Variants in DNAH17 observed in about 807,000 individuals in gnomAD.
The protein encoded by DNAH17 is axonemal beta dynein heavy chain 17.
DNAH17 carries 376 observed loss-of-function variants against 485.6 expected under a neutral mutation model. The ratio of observed to expected loss-of-function variants is 0.77; its 90% CI spans 0.71 to 0.84. The LOEUF (loss-of-function observed/expected upper bound fraction) is 0.84. Ranked by LOEUF, DNAH17 falls within the 40% of genes least tolerant of loss-of-function variation. The probability of loss-of-function intolerance (pLI) is 0.00; values close to 1 mark genes in which losing one functional copy is unlikely to be tolerated. For synonymous variants in DNAH17, 3,031 were observed against 2,405.9 expected (o/e 1.26, Z -7.60); for missense variants, 6,370 against 5,839.3 (o/e 1.09, Z -2.96).
At chr17:78,437,574 G>A (rs888431774) in intron 74 of DNAH17, 67 bp downstream of exon 74, 20 of 1,370,192 alleles carry the variant, frequency 1.5e-5, no homozygotes, top group Non-Finnish European at 2.0e-5. Context: ...GGTCCTCGGG[G>A]CCCCAAGGGA....
At chr17:78,445,816 GGTAAAGTTTTGTCTTCACCTC>G in intron 69 of DNAH17, 136 bp from the exon 70 acceptor site, 1 of 958,970 alleles carries the variant, frequency 1.0e-6, no homozygotes, top group Non-Finnish European at 1.5e-6. Flanking sequence ...TTTGGTTTGG[GGTAAAGTTTTGTCTTCACCTC>G]GTCTCGCTTT....
At chr17:78,433,664 C>A (rs889780471) in intron 75 of DNAH17, among the ~76,000 whole-genome samples, 1 of 152,138 alleles carries the variant, frequency 6.6e-6, no homozygotes, top group Non-Finnish European at 1.5e-5. Flanking sequence ...TGAGTCCCAG[C>A]TCACACCCTG....
chr17:78,502,823 C>A, intron 32 of DNAH17, 63 bp downstream of exon 32: 5 of 1,593,584 alleles, frequency 3.1e-6, no homozygotes, highest in South Asian at 1.1e-5. Flanking sequence ...AGCCCATGAA[C>A]GCAAAGAAAC....
rs574124756 is a variant in DNAH17, at chr17:78,494,024, C to A, written c.6408+12G>T. Reference sequence around the variant, plus strand: ...CCGGATCCCTGCAAGGTCCCTGGAGCGGGTGACACACCTGAGATTTGCCGC... The same window carrying A: ...CCGGATCCCTGCAAGGTCCCTGGAGAGGGTGACACACCTGAGATTTGCCGC... On this transcript the variant is annotated intron_variant, in intron 41 of 80. Coordinates refer to ENST00000389840, the MANE Select transcript of DNAH17 (RefSeq NM_173628.4). 2 of 1,609,488 alleles carry A rather than the reference C, an allele frequency of 1.2e-6. No individual in the cohort carries two copies. Among genetic ancestry groups the A allele is most frequent in the East Asian group, 2.2e-5 (1 of 44,816 alleles).
chr17:78,438,451 A>AGGAGG (rs2086937528), intron 73 of DNAH17, among the ~76,000 whole-genome samples: 2 of 64,226 alleles, frequency 3.1e-5, no homozygotes, highest in Non-Finnish European at 3.1e-5. Context: ...AGGAGGGAGG[A>AGGAGG]GGGAGGAGGA....
Position 78,525,073 on chromosome 17 carries a change from T to C in DNAH17, c.3800A>G (p.Lys1267Arg), listed in dbSNP as rs762601303. ...CTCCCGGTGGCAGGCCTTGAGCTGCTTGTAGTCTGGGACGGGGACCTCGAA... is the reference window on the plus strand; with the variant it reads ...CTCCCGGTGGCAGGCCTTGAGCTGCCTGTAGTCTGGGACGGGGACCTCGAA... ...GLFEVPVPDYKQLKACHREVR... is the reference protein window; with the variant it reads ...GLFEVPVPDYRQLKACHREVR... The change falls in exon 25 of 81, where the codon AAG becomes AGG. Residue 1267 changes from lysine (K) to arginine (R), a missense_variant. By Grantham distance (26) the Lys-to-Arg change is conservative. Coordinates refer to ENST00000389840, the MANE Select transcript of DNAH17 (RefSeq NM_173628.4). The C allele has an allele frequency of 6.2e-7, 1 of 1,613,710 alleles. No individual in the cohort carries two copies. Among genetic ancestry groups the C allele is most frequent in the African/African-American group, 1.3e-5 (1 of 74,912 alleles).
chr17:78,445,771 A>G (rs868675297), intron 69 of DNAH17, 91 bp from the exon 70 acceptor site: 68 of 1,438,814 alleles, frequency 4.7e-5, no homozygotes, highest in Admixed American at 4.4e-4. Context: ...AGGAGTTCAC[A>G]CTCCCGGCCT....
intron 79 of DNAH17, 116 bp from the exon 80 acceptor site, chr17:78,425,687 G>A: frequency 2.2e-6 from 2 of 902,438 alleles, no homozygotes; most frequent in Non-Finnish European, 3.3e-6. Context: ...CACTCAGCGA[G>A]CTAGAAGTGC....
intron 75 of DNAH17, among the ~76,000 whole-genome samples, chr17:78,433,828 T>A (rs1568044594): frequency 6.6e-6 from 1 of 151,992 alleles, no homozygotes; most frequent in Non-Finnish European, 1.5e-5. Flanking sequence ...GCTGGAGAGA[T>A]CACAGATGGT....
chr17:78,478,851 A>G (rs1042839290), intron 51 of DNAH17, 174 bp downstream of exon 51: 2 of 597,970 alleles, frequency 3.3e-6, no homozygotes, highest in African/African-American at 3.8e-5. Context: ...TACCACCATC[A>G]CTACCACTGT....
At position 78,447,285 on chromosome 17, in the gene DNAH17, T is replaced by G. The variant is rs562165194; in HGVS notation, c.11212-1605A>C. Among the ~76,000 whole-genome samples, 5 of 152,356 alleles carry G rather than the reference T, an allele frequency of 3.3e-5. No homozygotes were observed. In the East Asian group the frequency reaches 7.7e-4, roughly 23 times the overall value. ...TTGTGAATGCTGATGTACAGGAATGTGGACAGATGCTGGACACCTGTTTAC... is the reference window on the plus strand; with the variant it reads ...TTGTGAATGCTGATGTACAGGAATGGGGACAGATGCTGGACACCTGTTTAC... On this transcript the variant is annotated intron_variant, in intron 69 of 80. Coordinates refer to ENST00000389840, the MANE Select transcript of DNAH17 (RefSeq NM_173628.4).
In DNAH17 at chr17:78,427,041, G is replaced by T. The variant is rs868309742; in HGVS notation, c.12656C>A (p.Ala4219Glu). 1 of 1,603,246 alleles carries T rather than the reference G, an allele frequency of 6.2e-7. No individual in the cohort carries two copies. ...PETFNMAEIM[A>E]KAAEKTPYVV... ...GTAGGGGGTCTTTTCCGCTGCCTTT[G>T]CCATGATCTCAGCCATGTTGAAAGT... is the stretch of plus-strand genomic sequence containing the variant. Residue 4219 changes from alanine to glutamate, a missense_variant, in exon 78 of 81, where the codon GCA becomes GAA. Ala to Glu is a moderately radical substitution (Grantham distance 107). Coordinates refer to ENST00000389840, the MANE Select transcript of DNAH17 (RefSeq NM_173628.4).
At chr17:78,568,176 A>C (rs2092298875) in intron 9 of DNAH17, among the ~76,000 whole-genome samples, 1 of 152,064 alleles carries the variant, frequency 6.6e-6, no homozygotes, top group African/African-American at 2.4e-5. Flanking sequence ...TCCTACCCAG[A>C]ATCTTCCTTC....
rs755824167 is a variant in DNAH17 at position 78,571,732 on chromosome 17, A to G, written c.590T>C (p.Ile197Thr). The G allele has an allele frequency of 1.9e-6, 3 of 1,612,110 alleles. No individual in the cohort carries two copies. In the African/African-American group the frequency reaches 4.0e-5, roughly 22 times the overall value. ...NLLLHAIETT[I>T]IDWSHQIRDV... The stretch of plus-strand genomic sequence containing the variant: ...CCGGATCTGGTGGGACCAGTCGATG[A>G]TGGTGGTTTCAATGGCGTGCAGGAG... Residue 197 changes from isoleucine to threonine, a missense_variant, in exon 4 of 81, where the codon ATC becomes ACC. By Grantham distance (89) the Ile-to-Thr change is moderately conservative. Transcript: ENST00000389840.
In DNAH17 at chr17:78,510,445, C is replaced by A. The variant is rs1171114653; in HGVS notation, c.4175G>T (p.Ser1392Ile). ...GATGTTGCGGACCTCATCCTCGTAA[C>A]TGTGGAGGTTCAGCTGCAGTAAATC... is the stretch of plus-strand genomic sequence containing the variant. Reference protein sequence around the residue: ...LADLLQLNLHSYEDEVRNIVD... With the variant: ...LADLLQLNLHIYEDEVRNIVD... Residue 1392 changes from serine (S) to isoleucine (I), a missense_variant, in exon 27 of 81, where the codon AGT becomes ATT. Physicochemically the swap from Ser to Ile is moderately radical, Grantham distance 142 (BLOSUM62 -2). Transcript: ENST00000389840. 1 of 1,613,824 alleles carries A rather than the reference C, an allele frequency of 6.2e-7. No homozygotes were observed. The highest frequency in any genetic ancestry group is 8.5e-7 in the Non-Finnish European group (1 of 1,179,792).
rs2090345737 is a variant in DNAH17 at position 78,502,806 on chromosome 17, A to G, written c.5082+80T>C. 1.9e-6 allele frequency: 3 copies of G among 1,589,470 alleles called. No individual in the cohort carries two copies. The South Asian group carries it at 3.4e-5, about 18-fold the overall frequency. ...ATGGTTTTCCAGGGGACCACAGTTA[A>G]CAGCGGAGCCCATGAACGCAAAGAA... On this transcript the variant is annotated intron_variant, in intron 32 of 80. Coordinates refer to ENST00000389840, the MANE Select transcript of DNAH17 (RefSeq NM_173628.4).
chr17:78,542,050 G>A (rs975024605), intron 17 of DNAH17, among the ~76,000 whole-genome samples: 1 of 151,400 alleles, frequency 6.6e-6, no homozygotes, highest in Non-Finnish European at 1.5e-5. Context: ...TGGCCTGCTG[G>A]TCTGTCTAGA....
At chr17:78,487,100 T>C (rs974947713) in intron 44 of DNAH17, among the ~76,000 whole-genome samples, 1 of 151,992 alleles carries the variant, frequency 6.6e-6, no homozygotes, top group African/African-American at 2.4e-5. Flanking sequence ...TGCCAGACTG[T>C]TGGCCACAGA....
Position 78,479,117 on chromosome 17 carries a change from C to G in DNAH17, c.7901-1G>C. 1 of 1,613,796 alleles carries G rather than the reference C, an allele frequency of 6.2e-7. No homozygotes were observed. Among genetic ancestry groups the G allele is most frequent in the Non-Finnish European group, 8.5e-7 (1 of 1,179,826 alleles). On this transcript the variant is annotated splice_acceptor_variant, in intron 50 of 80. Coordinates refer to ENST00000389840, the MANE Select transcript of DNAH17 (RefSeq NM_173628.4). LOFTEE classifies it high-confidence loss of function. ...GTTGCCGTGATTTTCTGATGCAAAG[C>G]TGTTAGAGGAAAAGGACGTGTCAAT...
Sources: allele counts gnomAD v4.1 joint callset (sites outside exome capture counted in the v4.1 genomes callset), GRCh38; gene constraint gnomAD v4.1.1; transcripts MANE v1.5; gene names NCBI Gene and HGNC (gene_info 2026-07-23, HGNC 2026-07-21).